NXN: variants seen among roughly 807,000 people sequenced by gnomAD.
NXN encodes the protein nucleoredoxin, also known as nucleoredoxin 1.
A neutral mutation model predicts 48.6 loss-of-function variants in NXN; 16 were observed. The observed-to-expected ratio is 0.33, with a 90% CI of 0.22 to 0.50. The LOEUF is 0.50. Ranked by LOEUF, NXN falls within the 20% of genes least tolerant of loss-of-function variation. The pLI is 0.98. For missense variants in NXN, 492 were observed against 605.5 expected (o/e 0.81, Z 1.97); for synonymous variants, 281 against 269.6 (o/e 1.04, Z -0.41).
chr17:827,206 T>C (rs1047788672), intron 1 of NXN, among the ~76,000 whole-genome samples: 1 of 151,842 alleles, frequency 6.6e-6, no homozygotes, highest in Non-Finnish European at 1.5e-5. Context: ...TAGCTGGGCG[T>C]GGTGGCTCAC....
chr17:838,599 C>T (rs972698424), intron 1 of NXN, among the ~76,000 whole-genome samples: 1 of 152,100 alleles, frequency 6.6e-6, no homozygotes, highest in Non-Finnish European at 1.5e-5. Context: ...AAGTGGGAAA[C>T]GGTGAAAATG....
chr17:939,816 A>G (rs1461591090), intron 1 of NXN, among the ~76,000 whole-genome samples: 1 of 152,214 alleles, frequency 6.6e-6, no homozygotes, highest in Non-Finnish European at 1.5e-5. Context: ...GATCCCCCAC[A>G]TGCTTTTTTT....
chr17:849,642 C>T lies in NXN; in HGVS notation c.361-23564G>A, dbSNP rs748228155. Among the ~76,000 whole-genome samples, 2 of 152,218 alleles carry T rather than the reference C, an allele frequency of 1.3e-5. No individual in the cohort carries two copies. Among genetic ancestry groups the T allele is most frequent in the South Asian group, 2.1e-4 (1 of 4,834 alleles). ...TCTTCCCTCCCTCCACGTCCTTGTC[C>T]TCTGGCGGCCAGCTGCCTCATCCCT... On this transcript the variant is annotated intron_variant, in intron 1 of 7. Coordinates refer to ENST00000336868, the MANE Select transcript of NXN (RefSeq NM_022463.5). The surrounding 1 kb of genome is among the most constrained non-coding windows in gnomAD (Gnocchi z 4.2).
intron 1 of NXN, among the ~76,000 whole-genome samples, chr17:880,581 A>T (rs2068272809): frequency 6.6e-6 from 1 of 152,152 alleles, no homozygotes; most frequent in East Asian, 1.9e-4. Flanking sequence ...GGAGAAAATT[A>T]AAAATAAGTG....
chr17:959,963 G>A (rs763783522), intron 1 of NXN, among the ~76,000 whole-genome samples: 1 of 152,042 alleles, frequency 6.6e-6, no homozygotes, highest in Non-Finnish European at 1.5e-5. Context: ...ATGGTGGCAG[G>A]TGCCTGTAAT....
chr17:974,357 G>A (rs897254212), intron 1 of NXN, among the ~76,000 whole-genome samples: 11 of 151,418 alleles, frequency 7.3e-5, no homozygotes, highest in Non-Finnish European at 1.3e-4. Flanking sequence ...TCTCAAAAAA[G>A]TATATAGATA....
chr17:898,388 A>AAG (rs1168769848), intron 1 of NXN, among the ~76,000 whole-genome samples: 4 of 26,334 alleles, frequency 1.5e-4, no homozygotes, highest in South Asian at 9.2e-4. Flanking sequence ...TTACCTACTA[A>AAG]TTCCCACTCT....
chr17:890,386 T>C (rs2068402939), intron 1 of NXN, among the ~76,000 whole-genome samples: 1 of 152,124 alleles, frequency 6.6e-6, no homozygotes. Flanking sequence ...TTTCTTTTTG[T>C]TTTTTGAGAC....
intron 1 of NXN, among the ~76,000 whole-genome samples, chr17:966,923 G>T (rs2150635237): frequency 1.3e-5 from 2 of 152,258 alleles, no homozygotes; most frequent in Middle Eastern, 6.8e-3. Context: ...TCTCCCTGGG[G>T]AGAGAGAAGA....
intron 1 of NXN, among the ~76,000 whole-genome samples, chr17:921,449 C>G (rs111647339): frequency 0.011 from 1,669 of 152,258 alleles, 29 homozygotes; most frequent in African/African-American, 0.038. Flanking sequence ...TTCCTCGAAA[C>G]GCTTCCCGCA....
At chr17:925,276 C>A (rs1452337803) in intron 1 of NXN, among the ~76,000 whole-genome samples, 1 of 152,210 alleles carries the variant, frequency 6.6e-6, no homozygotes, top group African/African-American at 2.4e-5. Flanking sequence ...CCTGCCTGAA[C>A]AAGTCCAGTG....
chr17:899,358 T>C (rs1424751286), intron 1 of NXN, among the ~76,000 whole-genome samples: 1 of 152,166 alleles, frequency 6.6e-6, no homozygotes, highest in Admixed American at 6.6e-5. Flanking sequence ...ATTCAACAAA[T>C]ATTGACGTGC....
rs1278536995 is a variant in NXN at position 956,060 on chromosome 17, AG to A, written c.360+23258del. Among the ~76,000 whole-genome samples the A allele has an allele frequency of 3.3e-5, 5 of 152,284 alleles. No individual in the cohort carries two copies. The highest frequency in any genetic ancestry group is 3.4e-3 in the Middle Eastern group (1 of 294). On this transcript the variant is annotated intron_variant, in intron 1 of 7. Transcript: ENST00000336868. This position sits in a 1 kb window ranked among gnomAD's most constrained non-coding sequence, Gnocchi z 4.1. ...GCCACATAATCCCCCTGTCCTTTCC[AG>A]GGTATCATTCAGTGACTGCATTGTT...
intron 1 of NXN, among the ~76,000 whole-genome samples, chr17:859,903 G>A (rs1317300545): frequency 6.6e-6 from 1 of 152,094 alleles, no homozygotes; most frequent in Non-Finnish European, 1.5e-5. Context: ...GTTCTAATGT[G>A]TCTCCTCTGG....
At chr17:901,082 G>C (rs138030075) in intron 1 of NXN, among the ~76,000 whole-genome samples, 1,610 of 151,968 alleles carry the variant, frequency 0.011, 24 homozygotes, top group African/African-American at 0.037. Flanking sequence ...CACCACGCCT[G>C]GCTAATTTTT....
intron 1 of NXN, among the ~76,000 whole-genome samples, chr17:856,702 C>CTGG (rs894071534): frequency 1.2e-4 from 18 of 152,070 alleles, no homozygotes; most frequent in African/African-American, 4.3e-4. Context: ...GTTGGTCAGG[C>CTGG]TGGTCTTGAA....
intron 7 of NXN, among the ~76,000 whole-genome samples, chr17:802,713 G>A (rs1461429931): frequency 6.6e-6 from 1 of 152,190 alleles, no homozygotes; most frequent in Non-Finnish European, 1.5e-5. Flanking sequence ...CCCGGGCTGA[G>A]CAGGTGACTG....
At chr17:814,500 G>A (rs944152313) in intron 5 of NXN, among the ~76,000 whole-genome samples, 2 of 152,126 alleles carry the variant, frequency 1.3e-5, no homozygotes. Flanking sequence ...GAGGGGGCGC[G>A]GCAGCAGCTC....
Position 861,713 on chromosome 17 carries a change from G to A in NXN, c.361-35635C>T, listed in dbSNP as rs184451769. ...GAAAAGACTCCTACTTACCAAATTT[G>A]GGATACGGTAAAAAATAGTGAATTT... On this transcript the variant is annotated intron_variant, in intron 1 of 7. Transcript: ENST00000336868. Among the ~76,000 whole-genome samples, 6 of 151,612 alleles carry A rather than the reference G, an allele frequency of 4.0e-5. No homozygotes were observed. In the East Asian group the frequency reaches 1.2e-3, roughly 29 times the overall value.
Sources: allele counts gnomAD v4.1 joint callset (sites outside exome capture counted in the v4.1 genomes callset), GRCh38; gene constraint gnomAD v4.1.1; non-coding constraint Gnocchi (gnomAD v3.1); transcripts MANE v1.5; gene names NCBI Gene and HGNC (gene_info 2026-07-23, HGNC 2026-07-21).